Variants in CLTC observed in about 807,000 individuals in gnomAD.
CLTC encodes the protein clathrin heavy chain, also known as clathrin heavy chain 1.
A neutral mutation model predicts 195.8 loss-of-function variants in CLTC; 16 were observed. That is an observed-to-expected ratio of 0.08 (90% confidence interval 0.06 to 0.12). The LOEUF (loss-of-function observed/expected upper bound fraction) is 0.12. CLTC is among the 10% of genes least tolerant of loss of function. CLTC has a pLI of 1.00. For missense variants in CLTC, 796 were observed against 2,027.0 expected, an observed-to-expected ratio of 0.39 and a Z score of 11.66; for synonymous variants, 667 against 689.4, an observed-to-expected ratio of 0.97 and a Z score of 0.51.
chr17:59,646,037 AGATTG>A, intron 2 of CLTC: 1 of 789,828 alleles, frequency 1.3e-6, no homozygotes, highest in African/African-American at 1.9e-5. Flanking sequence ...ATCTTAAATT[AGATTG>A]TATTAGTTAT....
chr17:59,651,365 G>T (rs1246356907), intron 5 of CLTC, 49 bp downstream of exon 5: 7 of 1,219,434 alleles, frequency 5.7e-6, no homozygotes, highest in Non-Finnish European at 7.3e-6. Context: ...CCTCTTAAAA[G>T]AAATTAACCC....
intron 10 of CLTC, 123 bp downstream of exon 10, chr17:59,665,032 C>T (rs1217144170): frequency 1.0e-5 from 13 of 1,283,890 alleles, no homozygotes; most frequent in Admixed American, 2.2e-5. Context: ...CAAGACCAGT[C>T]TGGGCAACAT....
chr17:59,676,559 G>T (rs1010164197), intron 16 of CLTC, among the ~76,000 whole-genome samples: 3 of 152,190 alleles, frequency 2.0e-5, no homozygotes, highest in African/African-American at 7.2e-5. Flanking sequence ...TCATATAGCA[G>T]ATAAACCTGG....
chr17:59,656,149 GT>G lies in CLTC; in HGVS notation c.969+129del, dbSNP rs376528353. 777 of 843,652 alleles carry G rather than the reference GT, an allele frequency of 9.2e-4. 3 individuals are homozygous for G. The African/African-American group carries it at 0.012, about 13-fold the overall frequency. 52.3% of individuals were successfully genotyped at this position (843,652 alleles called of 1,614,324 possible). A position where few individuals can be genotyped will look rare whatever the true frequency, so the allele number is the denominator to read the frequency against. ...ATAGAAAATAAACATATTACTGTTA[GT>G]TTTTTTCCAAAAAGTAAATAGTAAC... On this transcript the variant is annotated intron_variant, in intron 6 of 31. Coordinates refer to ENST00000269122, the MANE Select transcript of CLTC (RefSeq NM_004859.4).
chr17:59,672,735 A>G (rs1362984853), intron 14 of CLTC, among the ~76,000 whole-genome samples: 1 of 152,192 alleles, frequency 6.6e-6, no homozygotes, highest in Non-Finnish European at 1.5e-5. Flanking sequence ...AGTAACTAAT[A>G]TCCCCTAGTC....
chr17:59,688,089 GA>G (rs1567974573), intron 30 of CLTC, among the ~76,000 whole-genome samples: 2 of 152,308 alleles, frequency 1.3e-5, no homozygotes, highest in East Asian at 3.9e-4. Context: ...AAGGCAGTTA[GA>G]AAGCGTGTGT....
At chr17:59,663,500 G>A (rs898557129) in intron 8 of CLTC, among the ~76,000 whole-genome samples, 4 of 152,192 alleles carry the variant, frequency 2.6e-5, no homozygotes, top group African/African-American at 7.2e-5. Context: ...GCCATGTGAT[G>A]TGAGTCTGAT....
At chr17:59,667,253 G>GA (rs1472349909) in intron 13 of CLTC, among the ~76,000 whole-genome samples, 1 of 152,132 alleles carries the variant, frequency 6.6e-6, no homozygotes, top group Non-Finnish European at 1.5e-5. Context: ...TGTATAAAAT[G>GA]AAAATACAGG....
At position 59,668,824 on chromosome 17, in the gene CLTC, G is replaced by C. The variant is rs751518982; in HGVS notation, c.2176G>C (p.Asp726His). The C allele has an allele frequency of 6.2e-7, 1 of 1,613,452 alleles. No homozygotes were observed. The change falls in exon 14 of 32, where the codon GAT (aspartate) becomes CAT (histidine). Residue 726 changes from aspartate to histidine, a missense_variant. By Grantham distance (81) the Asp-to-His change is moderately conservative. Around this residue, in one of 9 missense-constraint regions of CLTC, gnomAD observed 19 missense variants for 35.7 expected, o/e 0.53. Coordinates refer to ENST00000269122, the MANE Select transcript of CLTC (RefSeq NM_004859.4). ...CATTGTTAACTTTAGCCAGGACCCA[G>C]ATGTGCACTTTAAATATATTCAGGC... Reference protein sequence around the residue: ...GSIVNFSQDPDVHFKYIQAAC... With the variant: ...GSIVNFSQDPHVHFKYIQAAC...
chr17:59,677,289 G>A (rs371931822), intron 17 of CLTC, 101 bp downstream of exon 17: 7 of 849,742 alleles, frequency 8.2e-6, no homozygotes, highest in East Asian at 2.6e-5. Context: ...ATTTGGGGAC[G>A]GTGGGTGCTT....
chr17:59,659,217 T>A (rs1346418540), intron 6 of CLTC, among the ~76,000 whole-genome samples: 1 of 152,036 alleles, frequency 6.6e-6, no homozygotes, highest in Non-Finnish European at 1.5e-5. Flanking sequence ...TGGGGTAATA[T>A]GAGTAGTTTA....
chr17:59,663,349 C>T (rs1388506638), intron 8 of CLTC, among the ~76,000 whole-genome samples: 3 of 152,188 alleles, frequency 2.0e-5, no homozygotes, highest in Non-Finnish European at 2.9e-5. Context: ...GATAGTGGTG[C>T]TTAGATCCCT....
intron 6 of CLTC, among the ~76,000 whole-genome samples, chr17:59,656,677 T>C (rs1274592031): frequency 6.8e-6 from 1 of 147,366 alleles, no homozygotes. Context: ...TTTTTTTTTT[T>C]TTTTTTTTTT....
At chr17:59,635,908 G>A (rs977634130) in intron 1 of CLTC, among the ~76,000 whole-genome samples, 1 of 152,152 alleles carries the variant, frequency 6.6e-6, no homozygotes, top group African/African-American at 2.4e-5. Context: ...AAACCAGTCT[G>A]TTTAAGAACA....
chr17:59,622,852 T>TAG (rs1162749947), intron 1 of CLTC, among the ~76,000 whole-genome samples: 6 of 152,226 alleles, frequency 3.9e-5, no homozygotes, highest in Admixed American at 2.0e-4. Flanking sequence ...TTTTATACCC[T>TAG]TTAACTACAT....
rs2033358842 is a variant in CLTC, at chr17:59,693,616, A to AG, written c.4904-110dup. ...ATGTGCCCCCCATACAACTCATTTGAGGTTGAGATTATGTTGCTAGAGTGG... is the reference window on the plus strand; with the variant it reads ...ATGTGCCCCCCATACAACTCATTTGAGGGTTGAGATTATGTTGCTAGAGTGG... On this transcript the variant is annotated intron_variant, in intron 31 of 31. Transcript: ENST00000269122. 6.3e-6 allele frequency: 8 copies of AG among 1,260,506 alleles called. No individual in the cohort carries two copies. The South Asian group carries it at 1.1e-4, about 17-fold the overall frequency. The allele number at this position is 1,260,506 out of a possible 1,614,324, so 78.1% of individuals were successfully genotyped here. A position where few individuals can be genotyped will look rare whatever the true frequency, so the allele number is the denominator to read the frequency against.
At chr17:59,693,614 TGAGGTTGAGATTATGTTG>T in intron 31 of CLTC, 96 bp from the exon 32 acceptor site, 1 of 1,259,426 alleles carries the variant, frequency 7.9e-7, no homozygotes, top group South Asian at 1.6e-5. Context: ...ACAACTCATT[TGAGGTTGAGATTATGTTG>T]CTAGAGTGGA....
chr17:59,639,938 G>A (rs2031981395), intron 1 of CLTC, among the ~76,000 whole-genome samples: 1 of 151,778 alleles, frequency 6.6e-6, no homozygotes, highest in Non-Finnish European at 1.5e-5. Context: ...TGGGCAACAG[G>A]GCAAGACCCT....
intron 1 of CLTC, among the ~76,000 whole-genome samples, chr17:59,635,736 A>G (rs1163202849): frequency 6.6e-6 from 1 of 152,198 alleles, no homozygotes; most frequent in Non-Finnish European, 1.5e-5. Flanking sequence ...CAATATTTTC[A>G]TAGTTTGATC....
Sources: gnomAD v4.1 joint callset for allele counts (sites outside exome capture counted in the v4.1 genomes callset) on GRCh38, gnomAD v4.1.1 for gene constraint, gnomAD v4.1.1 regional missense constraint, MANE v1.5 for transcripts, NCBI Gene and HGNC (gene_info 2026-07-23, HGNC 2026-07-21) for gene names.